Variants in TNRC6C observed in about 807,000 individuals in gnomAD.
The protein encoded by TNRC6C is trinucleotide repeat containing adaptor 6C, also known as trinucleotide repeat-containing gene 6C protein.
A neutral mutation model predicts 153.7 loss-of-function variants in TNRC6C; 20 were observed. The ratio of observed to expected loss-of-function variants is 0.13; its 90% CI spans 0.09 to 0.19. The LOEUF (loss-of-function observed/expected upper bound fraction) is 0.19. Among genes scored for constraint, TNRC6C ranks in the 10% least tolerant of loss-of-function variants. The pLI, the probability that TNRC6C is intolerant of heterozygous loss-of-function variation, is 1.00. For synonymous variants in TNRC6C, 811 were observed against 841.4 expected, an observed-to-expected ratio of 0.96 and a Z score of 0.63; for missense variants, 1,987 against 2,172.0, an observed-to-expected ratio of 0.91 and a Z score of 1.69.
At chr17:77,962,187 G>T (rs1195527097) in intron 1 of TNRC6C, among the ~76,000 whole-genome samples, 1 of 152,146 alleles carries the variant, frequency 6.6e-6, no homozygotes, top group African/African-American at 2.4e-5. Context: ...TTAATTGTTT[G>T]ATTTGAGTAT....
At chr17:78,038,279 TCC>T (rs1386551023) in intron 2 of TNRC6C, among the ~76,000 whole-genome samples, 1 of 152,130 alleles carries the variant, frequency 6.6e-6, no homozygotes, top group Non-Finnish European at 1.5e-5. Context: ...TACCAAGTGT[TCC>T]GACAAATCAA....
chr17:78,071,254 C>A, intron 6 of TNRC6C, 89 bp downstream of exon 8: 1 of 1,257,136 alleles, frequency 8.0e-7, no homozygotes, highest in Non-Finnish European at 1.1e-6. Flanking sequence ...TTATGTGTGT[C>A]AGAAGACACC....
chr17:78,100,209 C>G (rs921472462), intron 17 of TNRC6C, among the ~76,000 whole-genome samples: 1 of 152,194 alleles, frequency 6.6e-6, no homozygotes, highest in Non-Finnish European at 1.5e-5. Context: ...AGGACGGTGA[C>G]CTTCTTCTCA....
At chr17:78,067,848 G>C in exon 5 of TNRC6C, 1 of 1,613,814 alleles carries the variant, frequency 6.2e-7, no homozygotes, top group Non-Finnish European at 8.5e-7. Flanking sequence ...GGGACGTGTG[G>C]AATAATGCTG....
chr17:78,009,485 A>T (rs1320130009), intron 1 of TNRC6C, among the ~76,000 whole-genome samples: 1 of 152,184 alleles, frequency 6.6e-6, no homozygotes, highest in African/African-American at 2.4e-5. Flanking sequence ...GCTCAAAGTT[A>T]ATCTTACCAT....
At chr17:78,019,443 G>T (rs1294990228) in intron 1 of TNRC6C, among the ~76,000 whole-genome samples, 1 of 152,156 alleles carries the variant, frequency 6.6e-6, no homozygotes, top group Non-Finnish European at 1.5e-5. Flanking sequence ...TCTCTATTTG[G>T]CCCTGTTATG....
intron 1 of TNRC6C, among the ~76,000 whole-genome samples, chr17:77,999,154 A>C (rs986481855): frequency 4.6e-5 from 7 of 152,216 alleles, no homozygotes; most frequent in African/African-American, 1.7e-4. Flanking sequence ...AGGTTTGTAC[A>C]CAGAATTGGG....
chr17:78,086,339 A>AAAAAAAAAC, intron 11 of TNRC6C, among the ~76,000 whole-genome samples, 164 bp from the exon 14 acceptor site: 1 of 116,688 alleles, frequency 8.6e-6, no homozygotes, highest in Non-Finnish European at 1.7e-5. Flanking sequence ...AAAAAAAAAA[A>AAAAAAAAAC]AAAAAAAAAA....
intron 1 of TNRC6C, among the ~76,000 whole-genome samples, chr17:78,006,489 TTCTTTC>T (rs1462696486): frequency 1.1e-4 from 16 of 142,020 alleles, no homozygotes; most frequent in Non-Finnish European, 2.1e-4. Context: ...CTTCTTCTTC[TTCTTTC>T]TTCTTCTTCT....
intron 1 of TNRC6C, among the ~76,000 whole-genome samples, chr17:77,970,013 C>G (rs1372167429): frequency 6.6e-6 from 1 of 152,144 alleles, no homozygotes; most frequent in African/African-American, 2.4e-5. Flanking sequence ...TGATAACTGT[C>G]TTTCTTCCAT....
Position 78,050,880 on chromosome 17 carries a change from T to C in TNRC6C, c.1818T>C (p.Leu606=), listed in dbSNP as rs779638017. ...ATTGGGCAGATTCATCGTCTGTCCT[T>C]GGACACTTGGGGGATGGGAAAAAAA... Residue 606 remains leucine, a synonymous_variant, in exon 3 of 20, where the codon CTT becomes CTC. Transcript: ENST00000301624. The C allele has an allele frequency of 4.3e-6, 7 of 1,613,754 alleles. No homozygotes were observed. The Admixed American group carries it at 1.2e-4, about 27-fold the overall frequency.
chr17:78,031,582 C>T, exon 2 of TNRC6C: 1 of 1,232,386 alleles, frequency 8.1e-7, no homozygotes, highest in Non-Finnish European at 1.0e-6. Context: ...AGTACTTCCA[C>T]CAGCACTATC....
chr17:78,050,070 T>C, exon 3 of TNRC6C: 1 of 1,610,646 alleles, frequency 6.2e-7, no homozygotes, highest in Non-Finnish European at 8.5e-7. Flanking sequence ...GAAGCACCTC[T>C]AACGGTGTGA....
At chr17:78,071,249 T>C (rs1221269088) in intron 6 of TNRC6C, 84 bp downstream of exon 8, 7 of 1,363,642 alleles carry the variant, frequency 5.1e-6, no homozygotes, top group Non-Finnish European at 6.1e-6. Context: ...GTTTGTTATG[T>C]GTGTCAGAAG....
chr17:78,039,337 C>G (rs2072248041), intron 2 of TNRC6C, among the ~76,000 whole-genome samples: 1 of 146,720 alleles, frequency 6.8e-6, no homozygotes, highest in Non-Finnish European at 1.5e-5. Context: ...CTACCTCTTA[C>G]CAGGTCAGCC....
chr17:78,021,525 A>G (rs1598698271), intron 1 of TNRC6C, among the ~76,000 whole-genome samples: 1 of 152,334 alleles, frequency 6.6e-6, no homozygotes, highest in Middle Eastern at 3.4e-3. Flanking sequence ...TTCAGTAATC[A>G]TAAAAAAGAT....
intron 1 of TNRC6C, among the ~76,000 whole-genome samples, chr17:78,023,380 A>G (rs1281878861): frequency 3.9e-5 from 6 of 152,168 alleles, no homozygotes; most frequent in Non-Finnish European, 7.3e-5. Flanking sequence ...GTAGCTTGCT[A>G]ATAGTTCTCT....
intron 1 of TNRC6C, among the ~76,000 whole-genome samples, chr17:77,995,729 C>T (rs2071318449): frequency 6.6e-6 from 1 of 152,188 alleles, no homozygotes; most frequent in Non-Finnish European, 1.5e-5. Flanking sequence ...AGTACACACA[C>T]ACACACACAC....
chr17:78,064,586 C>T (rs2072834903), intron 3 of TNRC6C, 136 bp from the exon 6 acceptor site: 3 of 800,400 alleles, frequency 3.7e-6, no homozygotes, highest in African/African-American at 1.8e-5. Context: ...ACATTTGCCT[C>T]CTTTAAATTT....
Sources: allele counts gnomAD v4.1 joint callset (sites outside exome capture counted in the v4.1 genomes callset), GRCh38; gene constraint gnomAD v4.1.1; transcripts MANE v1.5; gene names NCBI Gene and HGNC (gene_info 2026-07-23, HGNC 2026-07-21).